Variants in EHD4 observed in about 807,000 individuals in gnomAD.
EHD4 encodes EH domain containing 4.
Under a neutral mutation model 51.0 loss-of-function variants are expected in EHD4, and 37 were observed. That is an observed-to-expected ratio of 0.73 (90% CI 0.56 to 0.95). The LOEUF is 0.95. Among genes scored for constraint, EHD4 ranks in the 40% least tolerant of loss-of-function variants. The probability of loss-of-function intolerance (pLI) is 0.00; values close to 1 mark genes in which losing one functional copy is unlikely to be tolerated. For synonymous variants in EHD4, 297 were observed against 317.3 expected (o/e 0.94, Z 0.68); for missense variants, 632 against 733.1 (o/e 0.86, Z 1.59).
chr15:41,918,521 T>C (rs993831213), intron 4 of EHD4, among the ~76,000 whole-genome samples: 5 of 152,254 alleles, frequency 3.3e-5, no homozygotes, highest in Non-Finnish European at 7.3e-5. Flanking sequence ...ATGAATTGAC[T>C]CTGTCACTTG....
chr15:41,953,807 G>A lies in EHD4; in HGVS notation c.370C>T (p.Pro124Ser), dbSNP rs868744705. Residue 124 changes from proline (P) to serine (S), a missense_variant, in exon 2 of 6, where the codon CCG becomes TCG. Pro to Ser is a moderately conservative substitution (Grantham distance 74). Transcript: ENST00000220325. The part of the protein sequence containing the change: ...GNALVVDPKK[P>S]FRKLSRFGNA... The stretch of plus-strand genomic sequence containing the variant: ...CCAAAGCGACTGAGCTTTCTAAACG[G>A]CTTTTTGGGGTCCACGACTAAAGCA... The A allele has an allele frequency of 1.2e-6, 2 of 1,612,844 alleles. No individual in the cohort carries two copies. The highest frequency in any genetic ancestry group is 2.7e-5 in the African/African-American group (2 of 74,786).
rs771418954 is a variant in EHD4 at position 41,907,868 on chromosome 15, GTGTA to G, written c.1089+1827_1089+1830del. On this transcript the variant is annotated intron_variant, in intron 5 of 5. Transcript: ENST00000220325. ...TGTGTGTGTGTGTGTGTGTGTGTGT[GTGTA>G]TATATTTATTTATTTTTTGAGATGG... Among the ~76,000 whole-genome samples, 682 of 99,592 alleles carry G rather than the reference GTGTA, an allele frequency of 6.8e-3. 5 individuals carry two copies. The highest frequency in any genetic ancestry group is 0.014 in the African/African-American group (329 of 22,962). The allele number at this position is 99,592 out of a possible 152,430, so 65.3% of individuals were successfully genotyped here. A position where few individuals can be genotyped will look rare whatever the true frequency, so the allele number is the denominator to read the frequency against.
In EHD4 at chr15:41,901,193, C is replaced by G. The variant is rs746495350; in HGVS notation, c.1090-12G>C. On this transcript the variant is annotated splice_polypyrimidine_tract_variant and intron_variant, in intron 5 of 5. Transcript: ENST00000220325. ...TTCTCAAGCTGTTCCTGCAGAAGGACAAACCACAGGATGGGTTACATGTGG... is the reference window on the plus strand; with the variant it reads ...TTCTCAAGCTGTTCCTGCAGAAGGAGAAACCACAGGATGGGTTACATGTGG... 2.6e-6 allele frequency: 4 copies of G among 1,534,412 alleles called. No homozygotes were observed. The highest frequency in any genetic ancestry group is 2.6e-6 in the Non-Finnish European group (3 of 1,142,696).
chr15:41,958,917 G>C (rs1203038573), intron 1 of EHD4, among the ~76,000 whole-genome samples: 1 of 152,150 alleles, frequency 6.6e-6, no homozygotes, highest in Non-Finnish European at 1.5e-5. Context: ...AGTCTTATGA[G>C]GACACCACCC....
chr15:41,953,231 C>G (rs1440612050), intron 2 of EHD4, among the ~76,000 whole-genome samples: 3 of 151,930 alleles, frequency 2.0e-5, no homozygotes, highest in Non-Finnish European at 4.4e-5. Flanking sequence ...CTGCAGAAGC[C>G]CAGCGCACCA....
At position 41,959,168 on chromosome 15, in the gene EHD4, G is replaced by A. The variant is rs545818801; in HGVS notation, c.237-5228C>T. Among the ~76,000 whole-genome samples the A allele has an allele frequency of 4.3e-4, 66 of 152,094 alleles. 2 individuals carry two copies. The South Asian group carries it at 8.9e-3, about 21-fold the overall frequency. Reference sequence around the variant, plus strand: ...AGCACTTTGGGAGGCCGAGGTGGGCGGATCACGAGGTCAGGAGATCGAGAC... The same window carrying A: ...AGCACTTTGGGAGGCCGAGGTGGGCAGATCACGAGGTCAGGAGATCGAGAC... On this transcript the variant is annotated intron_variant, in intron 1 of 5. Coordinates refer to ENST00000220325, the MANE Select transcript of EHD4 (RefSeq NM_139265.4).
At chr15:41,916,945 G>A (rs1030573831) in intron 4 of EHD4, among the ~76,000 whole-genome samples, 7 of 152,170 alleles carry the variant, frequency 4.6e-5, no homozygotes, top group African/African-American at 1.2e-4. Flanking sequence ...CCACACAAGG[G>A]TTTTCATTAT....
chr15:41,944,435 C>T (rs1595541343), intron 2 of EHD4, among the ~76,000 whole-genome samples: 2 of 152,144 alleles, frequency 1.3e-5, no homozygotes, highest in African/African-American at 4.8e-5. Flanking sequence ...CTCAATTCTT[C>T]CGTACGATGG....
At chr15:41,967,046 G>T (rs2067966102) in intron 1 of EHD4, among the ~76,000 whole-genome samples, 2 of 152,146 alleles carry the variant, frequency 1.3e-5, no homozygotes, top group African/African-American at 2.4e-5. Flanking sequence ...CGCCACCTTG[G>T]TGTCCACTCA....
intron 4 of EHD4, among the ~76,000 whole-genome samples, chr15:41,911,210 G>A (rs1187923921): frequency 6.6e-6 from 1 of 152,196 alleles, no homozygotes; most frequent in African/African-American, 2.4e-5. Flanking sequence ...CACAAGGGTC[G>A]TTTAACAGAA....
chr15:41,955,377 C>T (rs77145518), intron 1 of EHD4, among the ~76,000 whole-genome samples: 2,576 of 152,222 alleles, frequency 0.017, 88 homozygotes, highest in African/African-American at 0.059. Context: ...GAAATGGCCT[C>T]AAGTTAGTGG....
chr15:41,945,661 T>C (rs997975499), intron 2 of EHD4, among the ~76,000 whole-genome samples: 4 of 152,214 alleles, frequency 2.6e-5, no homozygotes, highest in African/African-American at 9.7e-5. Context: ...GGTGCCACGC[T>C]CATGCTGCGA....
At chr15:41,902,722 A>G (rs2067485067) in intron 5 of EHD4, among the ~76,000 whole-genome samples, 1 of 151,516 alleles carries the variant, frequency 6.6e-6, no homozygotes, top group Admixed American at 6.6e-5. Context: ...CAGCCTGGTC[A>G]TTAGACCCAT....
chr15:41,929,853 A>G (rs555093179), intron 3 of EHD4, among the ~76,000 whole-genome samples: 1 of 152,364 alleles, frequency 6.6e-6, no homozygotes, highest in East Asian at 1.9e-4. Flanking sequence ...CAGCGTCTGT[A>G]TAGTACAGAC....
intron 4 of EHD4, among the ~76,000 whole-genome samples, chr15:41,917,326 G>T (rs2067591661): frequency 6.6e-6 from 1 of 151,934 alleles, no homozygotes; most frequent in African/African-American, 2.4e-5. Context: ...TCAATATGTT[G>T]GCCAGACTGG....
At position 41,919,403 on chromosome 15, in the gene EHD4, C is replaced by G; in HGVS notation, c.731G>C (p.Gly244Ala). ...RVYGALMWSL[G>A]KVINTPEVLR... The stretch of plus-strand genomic sequence containing the variant: ...TACCTCGGGCGTGTTGATGACCTTG[C>G]CTAGGGACCACATGAGGGCCCCGTA... The change falls in exon 4 of 6, where the codon GGC becomes GCC. Residue 244 changes from glycine to alanine, a missense_variant. Transcript: ENST00000220325. 1.2e-6 allele frequency: 2 copies of G among 1,605,618 alleles called. No individual in the cohort carries two copies. Among genetic ancestry groups the G allele is most frequent in the Non-Finnish European group, 1.7e-6 (2 of 1,174,944 alleles).
rs974406959 is a variant in EHD4, at chr15:41,897,991, A to G, written c.*2654T>C. 5 of 152,250 alleles carry G rather than the reference A, an allele frequency of 3.3e-5. No homozygotes were observed. Among genetic ancestry groups the G allele is most frequent in the Admixed American group, 6.5e-5 (1 of 15,290 alleles). The allele number at this position is 152,250 out of a possible 1,614,324, so 9.4% of individuals were successfully genotyped here. A position where few individuals can be genotyped will look rare whatever the true frequency, so the allele number is the denominator to read the frequency against. On this transcript the variant is annotated 3_prime_UTR_variant, in exon 6 of 6. Transcript: ENST00000220325. ...TAGGGAGACAGCTGGTGGTGTGGAC[A>G]CATTCACAGAACTTTGTACTGGTCC...
At chr15:41,922,451 T>G (rs1434236630) in intron 3 of EHD4, among the ~76,000 whole-genome samples, 5 of 152,142 alleles carry the variant, frequency 3.3e-5, no homozygotes, top group Non-Finnish European at 7.4e-5. Context: ...CACCCCCATT[T>G]AAGATTTCGG....
intron 3 of EHD4, among the ~76,000 whole-genome samples, chr15:41,940,588 T>C (rs1423814064): frequency 3.3e-5 from 5 of 152,164 alleles, no homozygotes. Context: ...TGGCTCTGGG[T>C]CCTTCCCCAC....
Sources: allele counts gnomAD v4.1 joint callset (sites outside exome capture counted in the v4.1 genomes callset), GRCh38; gene constraint gnomAD v4.1.1; transcripts MANE v1.5; gene names NCBI Gene and HGNC (gene_info 2026-07-23, HGNC 2026-07-21).